The following FAM117B variants were observed in gnomAD, a reference collection of about 807,000 sequenced individuals.
FAM117B encodes family with sequence similarity 117 member B, also known as protein FAM117B.
FAM117B carries 22 observed loss-of-function variants against 52.8 expected under a neutral mutation model. The observed-to-expected ratio is 0.42, with a 90% CI of 0.30 to 0.59. FAM117B has a LOEUF of 0.59. Among genes scored for constraint, FAM117B ranks in the 20% least tolerant of loss-of-function variants. The pLI is 0.22. For missense variants in FAM117B, 678 were observed against 802.6 expected (o/e 0.84, Z 1.88); for synonymous variants, 309 against 324.1 (o/e 0.95, Z 0.50).
intron 1 of FAM117B, among the ~76,000 whole-genome samples, chr2:202,670,594 C>A (rs1690283677): frequency 6.6e-6 from 1 of 152,242 alleles, no homozygotes; most frequent in South Asian, 2.1e-4. Context: ...AGCATACTTT[C>A]TAGTGTAGAG....
chr2:202,742,662 A>G (rs1355379030), intron 4 of FAM117B, among the ~76,000 whole-genome samples: 2 of 152,372 alleles, frequency 1.3e-5, no homozygotes, highest in South Asian at 2.1e-4. Flanking sequence ...CAAAAGGTTG[A>G]TAAGTTTAAT....
intron 1 of FAM117B, among the ~76,000 whole-genome samples, chr2:202,673,784 T>A (rs546715258): frequency 8.1e-4 from 123 of 152,294 alleles, no homozygotes; most frequent in African/African-American, 2.8e-3. Context: ...TATTTCTTTA[T>A]CTCTTCATAA....
At chr2:202,765,297 G>A (rs911834608) in intron 7 of FAM117B, 149 bp from the exon 8 acceptor site, 4 of 738,444 alleles carry the variant, frequency 5.4e-6, no homozygotes, top group South Asian at 1.9e-5. Flanking sequence ...GTTTGAAGGT[G>A]GGGGACAGAG....
intron 2 of FAM117B, among the ~76,000 whole-genome samples, chr2:202,723,815 G>A (rs570724330): frequency 4.3e-4 from 65 of 152,176 alleles, no homozygotes; most frequent in Non-Finnish European, 4.1e-4. Context: ...GTCAGTTTGC[G>A]CATTTATAAC....
intron 2 of FAM117B, among the ~76,000 whole-genome samples, chr2:202,706,576 A>C (rs1348838120): frequency 6.6e-6 from 1 of 152,234 alleles, no homozygotes; most frequent in African/African-American, 2.4e-5. Flanking sequence ...GCTGTTTATA[A>C]ATCTACAAAC....
At position 202,767,157 on chromosome 2, in the gene FAM117B, CTTTTTT is replaced by C. The variant is rs558691850; in HGVS notation, c.*1408_*1413del. The C allele has an allele frequency of 3.6e-5, 4 of 110,370 alleles. No individual in the cohort carries two copies. The highest frequency in any genetic ancestry group is 5.4e-5 in the Non-Finnish European group (3 of 55,426). 6.8% of individuals were successfully genotyped at this position (110,370 alleles called of 1,614,324 possible). On this transcript the variant is annotated 3_prime_UTR_variant, in exon 8 of 8. Coordinates refer to ENST00000392238, the MANE Select transcript of FAM117B (RefSeq NM_173511.4). Reference sequence around the variant, plus strand: ...ATGTGGTAGTGAGATTAAGGAGCAGCTTTTTTTTTTTTTTTTTTTTGAGACGGAGTT... The same window carrying C: ...ATGTGGTAGTGAGATTAAGGAGCAGCTTTTTTTTTTTTTTGAGACGGAGTT...
At chr2:202,736,695 A>G (rs1436392231) in intron 4 of FAM117B, among the ~76,000 whole-genome samples, 1 of 152,072 alleles carries the variant, frequency 6.6e-6, no homozygotes, top group East Asian at 1.9e-4. Flanking sequence ...CAGGGAAGTC[A>G]AGGCTGCAGT....
At chr2:202,695,781 C>T in intron 1 of FAM117B, 100 bp from the exon 2 acceptor site, 1 of 1,289,254 alleles carries the variant, frequency 7.8e-7, no homozygotes, top group Non-Finnish European at 1.1e-6. Flanking sequence ...AGGGGATTAC[C>T]ATAGTTAAGT....
In FAM117B at chr2:202,716,267, A is replaced by C. The variant is rs1691054753; in HGVS notation, c.754-8650A>C. On this transcript the variant is annotated intron_variant, in intron 2 of 7. Transcript: ENST00000392238. ...CATCCCTTTTTTTTTCAGCGTATAT[A>C]GTTTTTCATAAATGAAATGTGTTTC... Among the ~76,000 whole-genome samples, 3 of 151,776 alleles carry C rather than the reference A, an allele frequency of 2.0e-5. 1 individual carries two copies. The South Asian group carries it at 6.2e-4, about 32-fold the overall frequency.
At chr2:202,713,739 C>T (rs1037755286) in intron 2 of FAM117B, among the ~76,000 whole-genome samples, 2 of 152,120 alleles carry the variant, frequency 1.3e-5, no homozygotes, top group African/African-American at 4.8e-5. Flanking sequence ...AGGAGTTTCG[C>T]TCTGTTGCTC....
At chr2:202,693,536 CA>C (rs1449954961) in intron 1 of FAM117B, among the ~76,000 whole-genome samples, 23 of 152,328 alleles carry the variant, frequency 1.5e-4, no homozygotes, top group African/African-American at 5.5e-4. Context: ...GTGGAGGTTG[CA>C]GTGAGCCTAG....
At chr2:202,646,025 T>G (rs1237797559) in intron 1 of FAM117B, among the ~76,000 whole-genome samples, 1 of 147,476 alleles carries the variant, frequency 6.8e-6, no homozygotes, top group Non-Finnish European at 1.5e-5. Context: ...TGCCTAAAAG[T>G]TTTTTGTTTT....
chr2:202,688,850 C>T (rs1283611487), intron 1 of FAM117B, among the ~76,000 whole-genome samples: 1 of 152,074 alleles, frequency 6.6e-6, no homozygotes, highest in Non-Finnish European at 1.5e-5. Context: ...AATTTGATAT[C>T]TAGAAACTTT....
chr2:202,705,221 G>A (rs1042276560), intron 2 of FAM117B, among the ~76,000 whole-genome samples: 3 of 151,900 alleles, frequency 2.0e-5, no homozygotes, highest in South Asian at 2.1e-4. Context: ...CAGGAGAATC[G>A]TTTGTACCTG....
rs374145747 is a variant in FAM117B, at chr2:202,754,517, C to G, written c.961-1021C>G. Among the ~76,000 whole-genome samples, 23 of 151,202 alleles carry G rather than the reference C, an allele frequency of 1.5e-4. No individual in the cohort carries two copies. The East Asian group carries it at 1.8e-3, about 12-fold the overall frequency. ...AAGAAGAAACAAAAACAATAATAAA[C>G]CCCCCCCAGAATATAAATAATTATA... On this transcript the variant is annotated intron_variant, in intron 4 of 7. Transcript: ENST00000392238.
intron 1 of FAM117B, among the ~76,000 whole-genome samples, chr2:202,641,512 T>C (rs1243823185): frequency 6.6e-6 from 1 of 152,220 alleles, no homozygotes. Flanking sequence ...AGTTTAACTT[T>C]AGGCAAGTTC....
chr2:202,676,960 A>T (rs1412442010), intron 1 of FAM117B, among the ~76,000 whole-genome samples: 1 of 152,156 alleles, frequency 6.6e-6, no homozygotes, highest in East Asian at 1.9e-4. Context: ...AATTCTTATT[A>T]TGTAGAGGCA....
intron 7 of FAM117B, among the ~76,000 whole-genome samples, chr2:202,759,723 A>T (rs1034715954): frequency 2.0e-5 from 3 of 150,878 alleles, no homozygotes; most frequent in Admixed American, 6.6e-5. Flanking sequence ...ACGCCCGGCT[A>T]ATTTTTTGTA....
chr2:202,742,344 A>G (rs983235882), intron 4 of FAM117B, among the ~76,000 whole-genome samples: 1 of 152,236 alleles, frequency 6.6e-6, no homozygotes, highest in Admixed American at 6.5e-5. Flanking sequence ...TGGTACATGA[A>G]TTGACAAACT....
Sources: allele counts gnomAD v4.1 joint callset (sites outside exome capture counted in the v4.1 genomes callset), GRCh38; gene constraint gnomAD v4.1.1; transcripts MANE v1.5; gene names NCBI Gene and HGNC (gene_info 2026-07-23, HGNC 2026-07-21).